PCGF5: variants seen among roughly 807,000 people sequenced by gnomAD.
The protein encoded by PCGF5 is polycomb group RING finger protein 5.
In PCGF5, 9 loss-of-function variants were observed where a neutral mutation model predicts 44.3. The observed-to-expected ratio is 0.20, with a 90% CI of 0.12 to 0.35. The LOEUF (loss-of-function observed/expected upper bound fraction) is 0.35, where lower values mean the gene tolerates loss of function less well. Ranked by LOEUF, PCGF5 falls within the 10% of genes least tolerant of loss-of-function variation. PCGF5 has a pLI of 1.00. For missense variants in PCGF5, 146 were observed against 305.3 expected (o/e 0.48, Z 3.89); for synonymous variants, 95 against 102.5 (o/e 0.93, Z 0.44).
intron 1 of PCGF5, among the ~76,000 whole-genome samples, chr10:91,186,521 CAT>C (rs945345553): frequency 5.5e-5 from 8 of 144,984 alleles, no homozygotes; most frequent in Non-Finnish European, 8.9e-5. Flanking sequence ...GGAAAAACTT[CAT>C]ATATATATGT....
intron 1 of PCGF5, among the ~76,000 whole-genome samples, chr10:91,221,112 A>G (rs903259958): frequency 6.0e-5 from 9 of 151,242 alleles, no homozygotes; most frequent in Non-Finnish European, 3.0e-5. Flanking sequence ...GGGCCCGCGC[A>G]CCTGCCGGGC....
rs1045573513 is a variant in PCGF5, at chr10:91,256,078, G to T, written c.474+4638G>T. ...GGACTGCAGTTACAGAGAGCTGATT[G>T]TTTGACCCATACACAGGAAAAGAAG... On this transcript the variant is annotated intron_variant, in intron 6 of 9. Coordinates refer to ENST00000336126, the MANE Select transcript of PCGF5 (RefSeq NM_032373.5). 3.9e-5 allele frequency among the ~76,000 whole-genome samples: 6 copies of T among 152,116 alleles called. No homozygotes were observed. The East Asian group carries it at 7.7e-4, about 20-fold the overall frequency.
In PCGF5 at chr10:91,281,947, G is replaced by C. The variant is rs184313387; in HGVS notation, c.*3631G>C. 14 of 152,276 alleles carry C rather than the reference G, an allele frequency of 9.2e-5. No homozygotes were observed. The East Asian group carries it at 1.9e-3, about 21-fold the overall frequency. The allele number at this position is 152,276 out of a possible 1,614,324, so 9.4% of individuals were successfully genotyped here. ...GTGAGAGAAATACATACTTTGAAAA[G>C]AAAGTTCAGATTTTTAATTTGAGAG... On this transcript the variant is annotated 3_prime_UTR_variant, in exon 10 of 10. Coordinates refer to ENST00000336126, the MANE Select transcript of PCGF5 (RefSeq NM_032373.5).
chr10:91,248,794 C>T (rs1845542155), intron 5 of PCGF5, 70 bp downstream of exon 5: 1 of 1,246,642 alleles, frequency 8.0e-7, no homozygotes, highest in East Asian at 2.3e-5. Context: ...TTTAGGTGAA[C>T]TAATATGTCT....
At chr10:91,245,334 A>G (rs1399766151) in intron 3 of PCGF5, among the ~76,000 whole-genome samples, 2 of 152,148 alleles carry the variant, frequency 1.3e-5, no homozygotes, top group Non-Finnish European at 2.9e-5. Flanking sequence ...GAGTTCATCA[A>G]CTTTGAAAAG....
At chr10:91,235,055 G>A (rs891294981) in intron 2 of PCGF5, among the ~76,000 whole-genome samples, 2 of 152,154 alleles carry the variant, frequency 1.3e-5, no homozygotes, top group African/African-American at 4.8e-5. Context: ...CCTGGAATGG[G>A]CACCCTAACG....
chr10:91,206,427 G>A (rs1279100988), intron 1 of PCGF5, among the ~76,000 whole-genome samples: 1 of 152,090 alleles, frequency 6.6e-6, no homozygotes, highest in Non-Finnish European at 1.5e-5. Context: ...GCCTTTGAAT[G>A]AGGATTAAAA....
chr10:91,213,458 T>A (rs1442648997), intron 1 of PCGF5, among the ~76,000 whole-genome samples: 1 of 142,712 alleles, frequency 7.0e-6, no homozygotes, highest in East Asian at 2.5e-4. Context: ...CATTATTTTA[T>A]TTCATTAAAA....
At chr10:91,232,530 A>G (rs1845038045) in intron 2 of PCGF5, among the ~76,000 whole-genome samples, 1 of 152,150 alleles carries the variant, frequency 6.6e-6, no homozygotes, top group South Asian at 2.1e-4. Flanking sequence ...ATATGTTTAA[A>G]TGTCATTAAG....
Position 91,251,387 on chromosome 10 carries a change from A to C in PCGF5, c.421A>C (p.Ile141Leu). The stretch of plus-strand genomic sequence containing the variant: ...TCACAGAAGTGACCCACAAATTGCT[A>C]TCTGTCTAGATTGTTTACGAAATAA... ...DYHRSDPQIA[I>L]CLDCLRNNGQ... Residue 141 changes from isoleucine to leucine, a missense_variant, in exon 6 of 10, where the codon ATC (isoleucine) becomes CTC (leucine). Physicochemically the swap from Ile to Leu is conservative, Grantham distance 5. Coordinates refer to ENST00000336126, the MANE Select transcript of PCGF5 (RefSeq NM_032373.5). The C allele has an allele frequency of 1.2e-6, 2 of 1,611,508 alleles. No individual in the cohort carries two copies. The highest frequency in any genetic ancestry group is 1.7e-6 in the Non-Finnish European group (2 of 1,178,280).
chr10:91,167,662 T>A (rs1223802525), intron 1 of PCGF5, among the ~76,000 whole-genome samples: 1 of 152,176 alleles, frequency 6.6e-6, no homozygotes, highest in Non-Finnish European at 1.5e-5. Context: ...TAGGACTATA[T>A]TGTGCAGCAT....
At chr10:91,272,425 G>T (rs1846200748) in intron 9 of PCGF5, among the ~76,000 whole-genome samples, 1 of 152,064 alleles carries the variant, frequency 6.6e-6, no homozygotes, top group Admixed American at 6.6e-5. Context: ...ATGTAGGATT[G>T]CTTGAGGCCA....
upstream of PCGF5, among the ~76,000 whole-genome samples, chr10:91,215,970 C>T (rs527677374): frequency 3.9e-5 from 6 of 152,266 alleles, no homozygotes; most frequent in African/African-American, 1.4e-4. Flanking sequence ...CAAGAAGAAA[C>T]CCAAGAAAGA....
chr10:91,164,988 C>T (rs1026890984), intron 1 of PCGF5, among the ~76,000 whole-genome samples: 5 of 152,184 alleles, frequency 3.3e-5, no homozygotes, highest in African/African-American at 1.2e-4. Context: ...TAGAACAGTG[C>T]CTGGCATATA....
Position 91,193,187 on chromosome 10 carries a change from A to T in PCGF5, c.-183-29502A>T, listed in dbSNP as rs189777609. On this transcript the variant is annotated intron_variant, in intron 1 of 9. Transcript: ENST00000614189. ...CAATGAAATGGGGCATCAGTCCTGC[A>T]GCTGCAAGAAACTGAATCCAGCCAA... 1.2e-3 allele frequency among the ~76,000 whole-genome samples: 179 copies of T among 152,302 alleles called. 1 individual carries two copies. Among genetic ancestry groups the T allele is most frequent in the Non-Finnish European group, 2.0e-3 (137 of 68,032 alleles).
chr10:91,212,071 A>G (rs1274511913), intron 1 of PCGF5, among the ~76,000 whole-genome samples: 1 of 152,214 alleles, frequency 6.6e-6, no homozygotes, highest in African/African-American at 2.4e-5. Context: ...ATCTTACAGG[A>G]TTGCTATAAA....
rs546182527 is a variant in PCGF5 at position 91,264,439 on chromosome 10, G to T, written c.582G>T (p.Val194=). 1 of 1,605,914 alleles carries T rather than the reference G, an allele frequency of 6.2e-7. No individual in the cohort carries two copies. Among genetic ancestry groups the T allele is most frequent in the South Asian group, 1.1e-5 (1 of 89,472 alleles). ...LKLPSSYELD[V]LCNGEIMGKD... ...AATGATTCTTTTTAAAGTTGGATGT[G>T]CTGTGCAATGGTGAAATTATGGGGA... Residue 194 remains valine, a synonymous_variant, in exon 8 of 10, where the codon GTG becomes GTT. Coordinates refer to ENST00000336126, the MANE Select transcript of PCGF5 (RefSeq NM_032373.5).
At position 91,281,790 on chromosome 10, in the gene PCGF5, C is replaced by T. The variant is rs917016750; in HGVS notation, c.*3474C>T. ...ATCAGTCAAATGCAGGCTTTTCTTG[C>T]AATAATCAGAACACACTTCCTTTCA... On this transcript the variant is annotated 3_prime_UTR_variant, in exon 10 of 10. Coordinates refer to ENST00000336126, the MANE Select transcript of PCGF5 (RefSeq NM_032373.5). The T allele has an allele frequency of 6.6e-6, 1 of 152,200 alleles. No individual in the cohort carries two copies. The highest frequency in any genetic ancestry group is 1.5e-5 in the Non-Finnish European group (1 of 68,020). 9.4% of individuals were successfully genotyped at this position (152,200 alleles called of 1,614,324 possible).
At chr10:91,212,304 G>C (rs1844467220) in intron 1 of PCGF5, among the ~76,000 whole-genome samples, 1 of 152,196 alleles carries the variant, frequency 6.6e-6, no homozygotes, top group Non-Finnish European at 1.5e-5. Flanking sequence ...GTTCAAGAAG[G>C]CACGGGAAGA....
Sources: gnomAD v4.1 joint callset for allele counts (sites outside exome capture counted in the v4.1 genomes callset) on GRCh38, gnomAD v4.1.1 for gene constraint, MANE v1.5 for transcripts, NCBI Gene and HGNC (gene_info 2026-07-23, HGNC 2026-07-21) for gene names.